The following CNTN1 variants were observed in gnomAD, a reference collection of about 807,000 sequenced individuals.
CNTN1 encodes the protein contactin-1.
Under a neutral mutation model 126.4 loss-of-function variants are expected in CNTN1, and 38 were observed. The ratio of observed to expected loss-of-function variants is 0.30; its 90% CI spans 0.23 to 0.39. The LOEUF is 0.39. CNTN1 is among the 10% of genes least tolerant of loss of function. The pLI is 1.00. For synonymous variants in CNTN1, 413 were observed against 422.6 expected (o/e 0.98, Z 0.28); for missense variants, 1,009 against 1,248.4 (o/e 0.81, Z 2.89).
At chr12:40,753,087 C>T (rs1482685902) in intron 1 of CNTN1, among the ~76,000 whole-genome samples, 1 of 151,562 alleles carries the variant, frequency 6.6e-6, no homozygotes, top group East Asian at 1.9e-4. Flanking sequence ...CACAATCCTG[C>T]CATGTTAATT....
At chr12:40,744,371 G>T (rs1044310929) in intron 1 of CNTN1, among the ~76,000 whole-genome samples, 6 of 151,982 alleles carry the variant, frequency 3.9e-5, no homozygotes, top group African/African-American at 1.4e-4. Flanking sequence ...GGGTGGAAAA[G>T]ATCCATCAAT....
chr12:40,713,220 C>CTT lies in CNTN1; in HGVS notation c.-77+20639_-77+20640dup, dbSNP rs61488919. On this transcript the variant is annotated intron_variant, in intron 1 of 23. Coordinates refer to ENST00000551295, the MANE Select transcript of CNTN1 (RefSeq NM_001843.4). ...TTTTATTTTGAATCCTATATCATGG[C>CTT]TTTTTTTTTTTTACTGCTTTCTCAA... 5.3e-4 allele frequency among the ~76,000 whole-genome samples: 75 copies of CTT among 142,312 alleles called. 1 individual carries two copies. The highest frequency in any genetic ancestry group is 2.0e-3 in the South Asian group (9 of 4,526). The allele number at this position is 142,312 out of a possible 152,430, so 93.4% of individuals were successfully genotyped here. A position where few individuals can be genotyped will look rare whatever the true frequency, so the allele number is the denominator to read the frequency against.
chr12:40,804,455 A>G (rs1940769361), intron 1 of CNTN1, among the ~76,000 whole-genome samples: 1 of 151,986 alleles, frequency 6.6e-6, no homozygotes, highest in South Asian at 2.1e-4. Flanking sequence ...TGTATGTTTG[A>G]AAAGAAGGTT....
Position 40,864,198 on chromosome 12 carries a change from A to G in CNTN1, c.-76-44159A>G, listed in dbSNP as rs528592338. ...CGCCCAGCTAATTTTTTGTATTTTT[A>G]GTAGAGACAGGGGGTTTCACCATGT... On this transcript the variant is annotated intron_variant, in intron 1 of 23. Transcript: ENST00000551295. Among the ~76,000 whole-genome samples the G allele has an allele frequency of 1.8e-4, 27 of 151,412 alleles. No individual in the cohort carries two copies. The East Asian group carries it at 5.1e-3, about 28-fold the overall frequency.
At chr12:40,721,606 T>C (rs897239667) in intron 1 of CNTN1, among the ~76,000 whole-genome samples, 34 of 150,558 alleles carry the variant, frequency 2.3e-4, no homozygotes, top group Non-Finnish European at 4.6e-4. Context: ...AATGTGCAGG[T>C]TAGTTACATA....
intron 1 of CNTN1, among the ~76,000 whole-genome samples, chr12:40,905,805 GA>G (rs1161184651): frequency 3.0e-4 from 46 of 152,008 alleles, no homozygotes; most frequent in African/African-American, 1.1e-3. Flanking sequence ...AAACTATCAG[GA>G]CAAAAAAAGT....
At chr12:40,977,496 T>C (rs868740167) in intron 15 of CNTN1, among the ~76,000 whole-genome samples, 1 of 152,092 alleles carries the variant, frequency 6.6e-6, no homozygotes, top group Non-Finnish European at 1.5e-5. Context: ...TTCAGATGGC[T>C]GGGGGGCTTA....
Position 40,971,910 on chromosome 12 carries a change from G to T in CNTN1, c.1805-8999G>T. 3 of 1,041,692 alleles carry T rather than the reference G, an allele frequency of 2.9e-6. No individual in the cohort carries two copies. In the South Asian group the frequency reaches 1.0e-4, roughly 35 times the overall value. The allele number at this position is 1,041,692 out of a possible 1,614,324, so 64.5% of individuals were successfully genotyped here. On this transcript the variant is annotated intron_variant, in intron 15 of 23. Coordinates refer to ENST00000551295, the MANE Select transcript of CNTN1 (RefSeq NM_001843.4). ...TGTACTGTTTGATTTATTCAAGCAG[G>T]TAATGAACAATGTTGTCAAACTCTC...
intron 3 of CNTN1, among the ~76,000 whole-genome samples, chr12:40,913,313 G>C (rs1945112471): frequency 6.6e-6 from 1 of 152,172 alleles, no homozygotes; most frequent in Admixed American, 6.5e-5. Context: ...GTTGGCAGTG[G>C]AGATAGGAAG....
intron 1 of CNTN1, among the ~76,000 whole-genome samples, chr12:40,819,539 G>A (rs1486069638): frequency 1.3e-5 from 2 of 152,212 alleles, no homozygotes; most frequent in African/African-American, 2.4e-5. Context: ...GCTCCAGCAA[G>A]GGAAAAGCAC....
intron 1 of CNTN1, among the ~76,000 whole-genome samples, chr12:40,789,241 C>A (rs575921476): frequency 2.2e-4 from 33 of 152,190 alleles, no homozygotes; most frequent in African/African-American, 7.5e-4. Context: ...AATTTCTAAT[C>A]CAACTATTTG....
chr12:40,992,889 A>T (rs751869797), intron 16 of CNTN1, among the ~76,000 whole-genome samples: 7 of 152,150 alleles, frequency 4.6e-5, no homozygotes, highest in Non-Finnish European at 8.8e-5. Flanking sequence ...CCTGCCTCAA[A>T]CTTACTTACA....
In CNTN1 at chr12:41,070,356, G is replaced by T. The variant is rs1002598457; in HGVS notation, c.*321G>T. ...TACAGTGTTCAATTCAATACTATAG[G>T]CTGTAGAGTGAAAGTCAAATCACCA... On this transcript the variant is annotated 3_prime_UTR_variant, in exon 24 of 24. Transcript: ENST00000551295. The T allele has an allele frequency of 2.1e-5, 8 of 388,902 alleles. No individual in the cohort carries two copies. Among genetic ancestry groups the T allele is most frequent in the South Asian group, 1.9e-4 (8 of 42,478 alleles). The allele number at this position is 388,902 out of a possible 1,614,324, so 24.1% of individuals were successfully genotyped here.
At chr12:40,924,965 C>T (rs1372261518) in intron 6 of CNTN1, among the ~76,000 whole-genome samples, 1 of 144,636 alleles carries the variant, frequency 6.9e-6, no homozygotes, top group Non-Finnish European at 1.5e-5. Flanking sequence ...GAAAATATTC[C>T]TGAAATAGAA....
intron 23 of CNTN1, among the ~76,000 whole-genome samples, chr12:41,063,611 C>G (rs1949986629): frequency 6.6e-6 from 1 of 152,196 alleles, no homozygotes; most frequent in Non-Finnish European, 1.5e-5. Flanking sequence ...ATGAAAGCTA[C>G]CATCTTCTTA....
intron 1 of CNTN1, among the ~76,000 whole-genome samples, chr12:40,885,155 A>T (rs865961867): frequency 6.6e-6 from 1 of 151,836 alleles, no homozygotes; most frequent in Non-Finnish European, 1.5e-5. Flanking sequence ...TTAAATCTTA[A>T]TTCCACCACT....
chr12:41,067,766 T>TA (rs71081704), intron 23 of CNTN1, among the ~76,000 whole-genome samples: 7,963 of 144,096 alleles, frequency 0.055, 362 homozygotes, highest in African/African-American at 0.12. Context: ...TAAAGTATAA[T>TA]AAAAAAAAAA....
intron 1 of CNTN1, among the ~76,000 whole-genome samples, chr12:40,849,505 A>G (rs1210425026): frequency 6.6e-6 from 1 of 152,066 alleles, no homozygotes; most frequent in East Asian, 1.9e-4. Flanking sequence ...AATCGAGTCT[A>G]CCCTCTGATT....
intron 1 of CNTN1, among the ~76,000 whole-genome samples, chr12:40,789,120 A>G (rs1940134597): frequency 6.6e-6 from 1 of 152,118 alleles, no homozygotes; most frequent in African/African-American, 2.4e-5. Flanking sequence ...ATACTTTGAG[A>G]TTGATTTTTT....
Sources: gnomAD v4.1 joint callset for allele counts (sites outside exome capture counted in the v4.1 genomes callset) on GRCh38, gnomAD v4.1.1 for gene constraint, MANE v1.5 for transcripts, NCBI Gene and HGNC (gene_info 2026-07-23, HGNC 2026-07-21) for gene names.